SPMIP2: variants seen among roughly 807,000 people sequenced by gnomAD.
SPMIP2 encodes the protein protein SPMIP2.
At chr4:158,990,312 A>G in the SPMIP2 span, among the ~76,000 whole-genome samples, 1 of 152,224 alleles carries the variant, frequency 6.6e-6, no homozygotes, top group Admixed American at 6.5e-5. Context: ...TGTGGAAGAC[A>G]GTGTGGCAAT....
chr4:159,053,701 T>G, the SPMIP2 span, among the ~76,000 whole-genome samples: 6 of 152,168 alleles, frequency 3.9e-5, no homozygotes, highest in African/African-American at 1.2e-4. Flanking sequence ...TGGTATAAGG[T>G]TGGCAGAGAT....
At chr4:158,993,427 A>T in the SPMIP2 span, among the ~76,000 whole-genome samples, 1 of 151,780 alleles carries the variant, frequency 6.6e-6, no homozygotes, top group Non-Finnish European at 1.5e-5. Flanking sequence ...TTAATAGAGA[A>T]AGGGAAAATT....
the SPMIP2 span, among the ~76,000 whole-genome samples, chr4:158,986,965 G>A: frequency 7.1e-6 from 1 of 140,994 alleles, no homozygotes; most frequent in East Asian, 2.0e-4. Context: ...TCAAAAAGTG[G>A]GCGAAGGACA....
At chr4:159,066,602 T>C in the SPMIP2 span, among the ~76,000 whole-genome samples, 20 of 49,920 alleles carry the variant, frequency 4.0e-4, no homozygotes, top group African/African-American at 1.2e-3. Flanking sequence ...TATATATATA[T>C]ATATATATAT....
At chr4:159,050,846 C>T in the SPMIP2 span, among the ~76,000 whole-genome samples, 1 of 151,802 alleles carries the variant, frequency 6.6e-6, no homozygotes, top group Admixed American at 6.6e-5. Context: ...CCGTGGTTCA[C>T]GCCTGTAATC....
chr4:159,081,933 C>G, the SPMIP2 span, among the ~76,000 whole-genome samples: 3 of 152,036 alleles, frequency 2.0e-5, no homozygotes, highest in Non-Finnish European at 4.4e-5. Context: ...TTATTGGATT[C>G]TTGATTTTCT....
chr4:159,067,755 A>G, the SPMIP2 span, among the ~76,000 whole-genome samples: 1 of 152,128 alleles, frequency 6.6e-6, no homozygotes, highest in Non-Finnish European at 1.5e-5. Flanking sequence ...TTTGCAACCT[A>G]CTCATCTGAC....
chr4:158,958,622 A>G, the SPMIP2 span, among the ~76,000 whole-genome samples: 4 of 152,214 alleles, frequency 2.6e-5, no homozygotes, highest in Non-Finnish European at 5.9e-5. Flanking sequence ...AGAACAGAAC[A>G]TGAAAACTGG....
At chr4:159,073,811 G>C in the SPMIP2 span, among the ~76,000 whole-genome samples, 1 of 152,184 alleles carries the variant, frequency 6.6e-6, no homozygotes, top group African/African-American at 2.4e-5. Context: ...AGACCAGCCT[G>C]GCCAAAATGG....
chr4:158,992,317 T>A, the SPMIP2 span, among the ~76,000 whole-genome samples: 1 of 152,232 alleles, frequency 6.6e-6, no homozygotes, highest in Non-Finnish European at 1.5e-5. Context: ...ACATTTGCCT[T>A]GCAGATATTC....
chr4:158,944,203 T>G, the SPMIP2 span, among the ~76,000 whole-genome samples: 1 of 152,010 alleles, frequency 6.6e-6, no homozygotes, highest in Non-Finnish European at 1.5e-5. Context: ...ATGTTTTGGT[T>G]TATTCCACTT....
chr4:159,034,618 T>C, the SPMIP2 span, among the ~76,000 whole-genome samples: 86 of 152,290 alleles, frequency 5.6e-4, no homozygotes, highest in Admixed American at 9.8e-4. Context: ...GGGTTGGGCA[T>C]GGTGGCTGAT....
the SPMIP2 span, among the ~76,000 whole-genome samples, chr4:159,015,536 G>A: frequency 4.6e-5 from 7 of 152,086 alleles, no homozygotes; most frequent in African/African-American, 1.4e-4. Context: ...GCAACTTTCT[G>A]AGCATCTGTC....
the SPMIP2 span, among the ~76,000 whole-genome samples, chr4:159,044,468 T>C: frequency 6.7e-6 from 1 of 150,202 alleles, no homozygotes. Flanking sequence ...CTCCCTACTA[T>C]CACACAACCT....
the SPMIP2 span, among the ~76,000 whole-genome samples, chr4:158,992,230 T>A: frequency 6.6e-6 from 1 of 152,226 alleles, no homozygotes; most frequent in African/African-American, 2.4e-5. Context: ...ATGCTGCTCG[T>A]ATGAGTGCAC....
the SPMIP2 span, among the ~76,000 whole-genome samples, chr4:159,066,781 T>C: frequency 2.6e-5 from 4 of 152,086 alleles, no homozygotes; most frequent in African/African-American, 9.7e-5. Context: ...TTTGAATTTA[T>C]ACCAGGGGTT....
At chr4:159,016,669 G>A in the SPMIP2 span, among the ~76,000 whole-genome samples, 7 of 152,170 alleles carry the variant, frequency 4.6e-5, no homozygotes, top group African/African-American at 9.6e-5. Context: ...TGCTTCAAGC[G>A]TGCTTGCCAG....
the SPMIP2 span, among the ~76,000 whole-genome samples, chr4:158,989,679 T>C: frequency 6.6e-6 from 1 of 152,216 alleles, no homozygotes; most frequent in African/African-American, 2.4e-5. Context: ...GCTAGCCATA[T>C]GCAGAAAACT....
chr4:158,904,348 A>AATG, the SPMIP2 span: 4 of 885,824 alleles, frequency 4.5e-6, no homozygotes, highest in Non-Finnish European at 6.9e-6. Flanking sequence ...ATTAGTTTTA[A>AATG]ATGATAATCT....
Sources: gnomAD v4.1 joint callset for allele counts (sites outside exome capture counted in the v4.1 genomes callset) on GRCh38, gnomAD v4.1.1 for gene constraint, MANE v1.5 for transcripts, NCBI Gene and HGNC (gene_info 2026-07-23, HGNC 2026-07-21) for gene names.